The following ARHGAP26 variants were observed in gnomAD, a reference collection of about 807,000 sequenced individuals.
The protein encoded by ARHGAP26 is rho GTPase-activating protein 26.
ARHGAP26 carries 38 observed loss-of-function variants against 104.8 expected under a neutral mutation model. The ratio of observed to expected loss-of-function variants is 0.36; its 90% CI spans 0.28 to 0.48. The LOEUF is 0.48. Among genes scored for constraint, ARHGAP26 ranks in the 20% least tolerant of loss-of-function variants. The pLI is 0.99. For synonymous variants in ARHGAP26, 341 were observed against 340.0 expected (o/e 1.00, Z -0.03); for missense variants, 704 against 947.9 (o/e 0.74, Z 3.38).
At chr5:143,201,594 TTC>T (rs1390371991) in intron 20 of ARHGAP26, among the ~76,000 whole-genome samples, 1 of 152,226 alleles carries the variant, frequency 6.6e-6, no homozygotes, top group Non-Finnish European at 1.5e-5. Context: ...AGCCAGACAC[TTC>T]TGTAGTGAAA....
At chr5:143,195,381 G>A (rs1806656306) in intron 20 of ARHGAP26, among the ~76,000 whole-genome samples, 1 of 152,122 alleles carries the variant, frequency 6.6e-6, no homozygotes, top group South Asian at 2.1e-4. Context: ...TTTGTTTTCA[G>A]CAGTGGACAT....
At chr5:143,036,025 A>G (rs1002666133) in intron 12 of ARHGAP26, among the ~76,000 whole-genome samples, 2 of 151,996 alleles carry the variant, frequency 1.3e-5, no homozygotes, top group Non-Finnish European at 2.9e-5. Flanking sequence ...AAAAAATAAA[A>G]TGTTCATTTT....
intron 11 of ARHGAP26, among the ~76,000 whole-genome samples, chr5:143,003,341 G>A (rs1400075701): frequency 2.0e-5 from 3 of 152,178 alleles, no homozygotes; most frequent in East Asian, 3.8e-4. Context: ...AAATGTGAAA[G>A]CATTGCCATA....
At chr5:143,125,597 A>G (rs1379169819) in intron 18 of ARHGAP26, among the ~76,000 whole-genome samples, 2 of 152,260 alleles carry the variant, frequency 1.3e-5, no homozygotes, top group East Asian at 1.9e-4. Flanking sequence ...GACAGAGAGG[A>G]AAACAGCTAG....
intron 1 of ARHGAP26, among the ~76,000 whole-genome samples, chr5:142,801,472 A>G (rs1308443982): frequency 6.6e-6 from 1 of 152,160 alleles, no homozygotes; most frequent in Non-Finnish European, 1.5e-5. Context: ...TCCATGGGAA[A>G]GACACTGGAT....
At chr5:142,894,415 T>C in intron 6 of ARHGAP26, 67 bp downstream of exon 6, 2 of 1,420,360 alleles carry the variant, frequency 1.4e-6, no homozygotes, top group South Asian at 2.4e-5. Flanking sequence ...TAGTAGTAGA[T>C]TACAAAATGC....
chr5:142,784,835 T>C (rs1164230418), intron 1 of ARHGAP26, among the ~76,000 whole-genome samples: 1 of 152,126 alleles, frequency 6.6e-6, no homozygotes, highest in African/African-American at 2.4e-5. Context: ...ATTTTCATCA[T>C]TCCCCCAAAG....
At chr5:142,832,449 A>C (rs182306679) in intron 1 of ARHGAP26, among the ~76,000 whole-genome samples, 1 of 150,300 alleles carries the variant, frequency 6.7e-6, no homozygotes, top group East Asian at 2.0e-4. Context: ...GCAAGCCAGG[A>C]GGAGAGCCTG....
In ARHGAP26 at chr5:143,101,963, G is replaced by A. The variant is rs112353380; in HGVS notation, c.1539-19025G>A. On this transcript the variant is annotated intron_variant, in intron 17 of 22. Transcript: ENST00000645722. ...TATTTTCCTTAGGGGCTGTGGTGGCGCTGATAGAACTGGAGTCTGGAGAAC... is the reference window on the plus strand; with the variant it reads ...TATTTTCCTTAGGGGCTGTGGTGGCACTGATAGAACTGGAGTCTGGAGAAC... Among the ~76,000 whole-genome samples the A allele has an allele frequency of 1.2e-3, 181 of 151,928 alleles. 1 individual carries two copies. Among genetic ancestry groups the A allele is most frequent in the African/African-American group, 4.1e-3 (171 of 41,412 alleles).
chr5:142,869,175 C>CTTTCT (rs140371844), intron 1 of ARHGAP26, among the ~76,000 whole-genome samples: 2 of 150,132 alleles, frequency 1.3e-5, no homozygotes, highest in Non-Finnish European at 3.0e-5. Context: ...GCTGTAATCA[C>CTTTCT]TTTCTTTTCT....
intron 5 of ARHGAP26, among the ~76,000 whole-genome samples, chr5:142,891,387 G>A (rs1562026753): frequency 6.6e-6 from 1 of 151,988 alleles, no homozygotes; most frequent in Non-Finnish European, 1.5e-5. Context: ...TTTTGAGTAT[G>A]AGAATGTCCA....
chr5:142,939,254 A>G (rs1205374227), intron 11 of ARHGAP26, among the ~76,000 whole-genome samples: 2 of 152,180 alleles, frequency 1.3e-5, no homozygotes, highest in Admixed American at 6.5e-5. Flanking sequence ...ATTGCTGCTG[A>G]ATTGTTAGGA....
chr5:143,099,768 A>G (rs1362415450), intron 17 of ARHGAP26, among the ~76,000 whole-genome samples: 1 of 152,184 alleles, frequency 6.6e-6, no homozygotes, highest in African/African-American at 2.4e-5. Flanking sequence ...ATGTGGGGGA[A>G]TATCAAAACC....
chr5:143,153,163 T>TC (rs1800044867), intron 20 of ARHGAP26, among the ~76,000 whole-genome samples: 2 of 152,214 alleles, frequency 1.3e-5, no homozygotes, highest in Non-Finnish European at 2.9e-5. Context: ...AGAAAACAAC[T>TC]TGTAACTGAG....
intron 13 of ARHGAP26, 117 bp downstream of exon 13, chr5:143,037,378 A>G: frequency 1.4e-6 from 1 of 735,702 alleles, no homozygotes; most frequent in Non-Finnish European, 2.0e-6. Flanking sequence ...CCCAAGTGCC[A>G]TTGTCAGTGG....
At chr5:143,048,878 A>G (rs1784590129) in intron 14 of ARHGAP26, among the ~76,000 whole-genome samples, 1 of 146,694 alleles carries the variant, frequency 6.8e-6, no homozygotes, top group Non-Finnish European at 1.5e-5. Context: ...GTGCCATTGC[A>G]CTCCAGCCTG....
chr5:143,042,252 C>T (rs1410890102), intron 14 of ARHGAP26, among the ~76,000 whole-genome samples: 1 of 152,162 alleles, frequency 6.6e-6, no homozygotes, highest in Non-Finnish European at 1.5e-5. Flanking sequence ...TTTAGTGGGA[C>T]ACACCCAATG....
chr5:142,943,432 A>G (rs528080790), intron 11 of ARHGAP26, among the ~76,000 whole-genome samples: 1 of 152,196 alleles, frequency 6.6e-6, no homozygotes, highest in Non-Finnish European at 1.5e-5. Context: ...TGATTCATAG[A>G]TGGCACCTTT....
At chr5:142,913,440 T>C in intron 10 of ARHGAP26, 147 bp downstream of exon 10, 2 of 677,452 alleles carry the variant, frequency 3.0e-6, no homozygotes, top group South Asian at 3.6e-5. Context: ...TTCCTTTCCT[T>C]CTCCATCCAT....
Sources: allele counts gnomAD v4.1 joint callset (sites outside exome capture counted in the v4.1 genomes callset), GRCh38; gene constraint gnomAD v4.1.1; transcripts MANE v1.5; gene names NCBI Gene and HGNC (gene_info 2026-07-23, HGNC 2026-07-21).